The following CFAP20DC variants were observed in gnomAD, a reference collection of about 807,000 sequenced individuals.
CFAP20DC encodes the protein protein CFAP20DC.
In CFAP20DC, 84 loss-of-function variants were observed where a neutral mutation model predicts 101.7. The observed-to-expected ratio is 0.83, with a 90% confidence interval of 0.69 to 0.99. The LOEUF (loss-of-function observed/expected upper bound fraction) is 0.99. Ranked by LOEUF, CFAP20DC falls within the 50% of genes least tolerant of loss-of-function variation. The probability of loss-of-function intolerance (pLI) is 0.00; values close to 1 mark genes in which losing one functional copy is unlikely to be tolerated. For missense variants in CFAP20DC, 1,007 were observed against 970.3 expected (o/e 1.04, Z -0.50); for synonymous variants, 359 against 351.2 (o/e 1.02, Z -0.25).
intron 3 of CFAP20DC, among the ~76,000 whole-genome samples, chr3:58,718,590 G>A (rs1045190450): frequency 4.6e-5 from 7 of 152,174 alleles, no homozygotes; most frequent in African/African-American, 7.2e-5. Flanking sequence ...TGCGGGCACT[G>A]CCAATCTGCC....
intron 12 of CFAP20DC, among the ~76,000 whole-genome samples, chr3:58,853,662 A>T (rs899314371): frequency 2.0e-5 from 3 of 152,156 alleles, no homozygotes; most frequent in African/African-American, 4.8e-5. Flanking sequence ...CATCCCTGGG[A>T]TGCAAGGCTG....
chr3:58,738,178 A>T (rs557842421), downstream of CFAP20DC, among the ~76,000 whole-genome samples: 1 of 152,252 alleles, frequency 6.6e-6, no homozygotes, highest in South Asian at 2.1e-4. The surrounding 1 kb of genome is among the most constrained non-coding windows in gnomAD (Gnocchi z 4.4). Context: ...ATAACAGGCA[A>T]TTCTTTTTTT....
At chr3:58,976,643 C>T (rs2092290462) in intron 4 of CFAP20DC, among the ~76,000 whole-genome samples, 1 of 152,202 alleles carries the variant, frequency 6.6e-6, no homozygotes, top group South Asian at 2.1e-4. Flanking sequence ...ATCATTCCCT[C>T]ATAGTGCTGA....
At chr3:58,965,552 C>A (rs1210422691) in intron 4 of CFAP20DC, among the ~76,000 whole-genome samples, 1 of 152,046 alleles carries the variant, frequency 6.6e-6, no homozygotes, top group Non-Finnish European at 1.5e-5. Context: ...TAATCTGGGA[C>A]AATTTACTTA....
intron 16 of CFAP20DC, among the ~76,000 whole-genome samples, chr3:58,752,907 AG>A (rs2068675007): frequency 6.6e-6 from 1 of 152,086 alleles, no homozygotes. Context: ...CTTTTTTTAA[AG>A]CTTCAGATAT....
Position 59,000,795 on chromosome 3 carries a change from C to A in CFAP20DC, c.278+38762G>T, listed in dbSNP as rs373080359. 5.3e-5 allele frequency among the ~76,000 whole-genome samples: 8 copies of A among 152,018 alleles called. No individual in the cohort carries two copies. The East Asian group carries it at 1.2e-3, about 22-fold the overall frequency. ...TGTTCCCCTCCACAAACAGGAAGGC[C>A]CATTTGGAGAGTTTCTGGAACAGAA... On this transcript the variant is annotated intron_variant, in intron 4 of 16. Coordinates refer to ENST00000482387, the MANE Select transcript of CFAP20DC (RefSeq NM_001394063.1).
intron 6 of CFAP20DC, among the ~76,000 whole-genome samples, chr3:58,890,299 G>A (rs1375311594): frequency 2.0e-5 from 3 of 147,106 alleles, no homozygotes; most frequent in Non-Finnish European, 4.6e-5. Flanking sequence ...GCGGCTGTCC[G>A]GGCGGGGGGC....
At position 58,732,002 on chromosome 3, in the gene CFAP20DC, G is replaced by A. The variant is rs1354433749; in HGVS notation, c.198-14374C>T. 1.3e-5 allele frequency among the ~76,000 whole-genome samples: 2 copies of A among 152,188 alleles called. No homozygotes were observed. Among genetic ancestry groups the A allele is most frequent in the South Asian group, 2.1e-4 (1 of 4,824 alleles). ...CAGTTTCTTAATTTGTAAAGTAGATGAACACAGTTGCGAGGATTAAATGAG... is the reference window on the plus strand; with the variant it reads ...CAGTTTCTTAATTTGTAAAGTAGATAAACACAGTTGCGAGGATTAAATGAG... On this transcript the variant is annotated intron_variant, in intron 3 of 3. Coordinates refer to the CFAP20DC transcript ENST00000486145. The surrounding 1 kb of genome is among the most constrained non-coding windows in gnomAD (Gnocchi z 5.4).
intron 15 of CFAP20DC, among the ~76,000 whole-genome samples, chr3:58,784,630 C>A (rs953360878): frequency 2.0e-5 from 3 of 152,034 alleles, no homozygotes; most frequent in African/African-American, 7.2e-5. Flanking sequence ...ATGAACATGA[C>A]AGCGCATGTG....
intron 6 of CFAP20DC, among the ~76,000 whole-genome samples, chr3:58,904,991 C>T (rs1346991589): frequency 6.6e-6 from 1 of 152,138 alleles, no homozygotes; most frequent in Non-Finnish European, 1.5e-5. Flanking sequence ...GATAAGTTAC[C>T]AGTGCCAGGT....
At chr3:58,835,572 A>G (rs370272185) in intron 13 of CFAP20DC, among the ~76,000 whole-genome samples, 39 of 152,326 alleles carry the variant, frequency 2.6e-4, no homozygotes, top group African/African-American at 8.9e-4. Flanking sequence ...ATTTGCTTAA[A>G]ATGCTGCATT....
intron 5 of CFAP20DC, among the ~76,000 whole-genome samples, chr3:58,921,436 A>C (rs1379195186): frequency 1.3e-5 from 2 of 151,864 alleles, no homozygotes; most frequent in Admixed American, 1.3e-4. Context: ...GGTGTGCTTT[A>C]TTTTCAATAT....
rs573724453 is a variant in CFAP20DC, at chr3:58,955,314, A to T, written c.279-17552T>A. ...CATATTGCTGAAAAAAGCACTAAAG[A>T]GGTAGGAAAAACATCTTAAATCACT... On this transcript the variant is annotated intron_variant, in intron 4 of 16. Coordinates refer to ENST00000482387, the MANE Select transcript of CFAP20DC (RefSeq NM_001394063.1). 6.4e-4 allele frequency among the ~76,000 whole-genome samples: 97 copies of T among 152,296 alleles called. 2 individuals carry two copies. The South Asian group carries it at 0.02, about 31-fold the overall frequency.
chr3:58,848,316 C>T (rs571354296), intron 13 of CFAP20DC, among the ~76,000 whole-genome samples: 1 of 152,254 alleles, frequency 6.6e-6, no homozygotes, highest in East Asian at 1.9e-4. Context: ...TTAGAACATA[C>T]TTGAACCAAA....
chr3:58,739,271 A>T (rs1021047196), downstream of CFAP20DC, among the ~76,000 whole-genome samples: 1 of 152,200 alleles, frequency 6.6e-6, no homozygotes, highest in African/African-American at 2.4e-5. Flanking sequence ...AGCCTCTGTA[A>T]TTACATGATA....
At chr3:58,762,831 A>G (rs934740424) in intron 15 of CFAP20DC, among the ~76,000 whole-genome samples, 3 of 152,200 alleles carry the variant, frequency 2.0e-5, no homozygotes, top group African/African-American at 7.2e-5. Flanking sequence ...TTCTGGGTTG[A>G]AAATTATTTT....
At position 58,813,384 on chromosome 3, in the gene CFAP20DC, T is replaced by C. The variant is rs79558058; in HGVS notation, c.2176-6928A>G. Among the ~76,000 whole-genome samples, 1,491 of 152,094 alleles carry C rather than the reference T, an allele frequency of 9.8e-3. 50 individuals carry two copies. Among genetic ancestry groups the C allele is most frequent in the African/African-American group, 0.035 (1,437 of 41,370 alleles). ...ATTTATGTGGTTAGCAACAATGCGATTCTAATAAGAAATCATTTTCAACAT... is the reference window on the plus strand; with the variant it reads ...ATTTATGTGGTTAGCAACAATGCGACTCTAATAAGAAATCATTTTCAACAT... On this transcript the variant is annotated intron_variant, in intron 14 of 16. Transcript: ENST00000482387.
At chr3:59,005,356 A>G (rs539722853) in intron 4 of CFAP20DC, among the ~76,000 whole-genome samples, 10 of 152,326 alleles carry the variant, frequency 6.6e-5, no homozygotes, top group Middle Eastern at 3.4e-3. Context: ...CTGCCCACAG[A>G]TAAATGAGAA....
chr3:58,961,460 A>G (rs1193524266), intron 4 of CFAP20DC, among the ~76,000 whole-genome samples: 1 of 152,272 alleles, frequency 6.6e-6, no homozygotes, highest in East Asian at 1.9e-4. Flanking sequence ...AGGCTGAGGC[A>G]GGTGAATTGC....
Sources: gnomAD v4.1 joint callset for allele counts (sites outside exome capture counted in the v4.1 genomes callset) on GRCh38, gnomAD v4.1.1 for gene constraint, Gnocchi (gnomAD v3.1) non-coding constraint, MANE v1.5 for transcripts, NCBI Gene and HGNC (gene_info 2026-07-23, HGNC 2026-07-21) for gene names.